Variants in SHISA6 observed in about 807,000 individuals in gnomAD.
The protein encoded by SHISA6 is protein shisa-6.
A neutral mutation model predicts 47.9 loss-of-function variants in SHISA6; 22 were observed. That is an observed-to-expected ratio of 0.46 (90% confidence interval 0.33 to 0.66). The LOEUF (loss-of-function observed/expected upper bound fraction) is 0.66. Ranked by LOEUF, SHISA6 falls within the 30% of genes least tolerant of loss-of-function variation. The pLI is 0.02. For missense variants in SHISA6, 680 were observed against 764.6 expected, an observed-to-expected ratio of 0.89 and a Z score of 1.30; for synonymous variants, 388 against 337.8, an observed-to-expected ratio of 1.15 and a Z score of -1.63.
chr17:11,319,109 C>T (rs1194043307), intron 2 of SHISA6, among the ~76,000 whole-genome samples: 4 of 144,620 alleles, frequency 2.8e-5, no homozygotes, highest in East Asian at 2.0e-4. Flanking sequence ...GATGGAGTCT[C>T]GCTCTGTCAC....
chr17:11,289,353 CATGAGTT>C (rs1201035880), intron 2 of SHISA6: 1 of 151,988 alleles, frequency 6.6e-6, no homozygotes, highest in East Asian at 1.9e-4. Flanking sequence ...CATCTATTTT[CATGAGTT>C]AAACTGTCCT....
chr17:11,245,748 G>GT (rs1409107087), intron 1 of SHISA6, among the ~76,000 whole-genome samples: 9 of 124,102 alleles, frequency 7.3e-5, no homozygotes, highest in South Asian at 5.9e-4. Flanking sequence ...TGTGGGCAGG[G>GT]TGGGGGGGGT....
rs561372941 is a variant in SHISA6 at position 11,436,024 on chromosome 17, A to G, written c.895+56515A>G. 8.5e-5 allele frequency among the ~76,000 whole-genome samples: 13 copies of G among 152,336 alleles called. No homozygotes were observed. In the South Asian group the frequency reaches 1.9e-3, roughly 22 times the overall value. ...TCTAATACATAGGCAGACTTGGGGA[A>G]ACACCAGAGCTTCTCAGGATAGATG... On this transcript the variant is annotated intron_variant, in intron 3 of 5. Coordinates refer to ENST00000441885, the MANE Select transcript of SHISA6 (RefSeq NM_207386.4).
intron 3 of SHISA6, among the ~76,000 whole-genome samples, chr17:11,511,538 A>G (rs534066284): frequency 6.6e-6 from 1 of 152,228 alleles, no homozygotes; most frequent in Non-Finnish European, 1.5e-5. Flanking sequence ...AATGTTCATC[A>G]ATTGATGAAT....
chr17:11,555,934 T>C, intron 5 of SHISA6, 42 bp downstream of exon 5: 2 of 1,476,344 alleles, frequency 1.4e-6, no homozygotes, highest in Non-Finnish European at 1.8e-6. Flanking sequence ...TCTCTGGGGC[T>C]CCAAGATATC....
intron 3 of SHISA6, among the ~76,000 whole-genome samples, chr17:11,491,371 GC>G (rs1026507889): frequency 2.0e-5 from 3 of 152,078 alleles, no homozygotes; most frequent in African/African-American, 7.2e-5. Flanking sequence ...GACAATCACG[GC>G]CCACTGCAGC....
At chr17:11,286,721 C>T (rs1332682797) in intron 2 of SHISA6, among the ~76,000 whole-genome samples, 2 of 152,212 alleles carry the variant, frequency 1.3e-5, no homozygotes, top group Non-Finnish European at 2.9e-5. Context: ...GTGAAATGTC[C>T]ATTCAGACCT....
intron 3 of SHISA6, among the ~76,000 whole-genome samples, chr17:11,516,176 C>T (rs2071584216): frequency 2.0e-5 from 3 of 152,212 alleles, no homozygotes; most frequent in Admixed American, 6.5e-5. Flanking sequence ...AGCATTTCCT[C>T]AAGCATTCCA....
intron 2 of SHISA6, among the ~76,000 whole-genome samples, chr17:11,338,401 TTTTG>T (rs931303926): frequency 6.6e-6 from 1 of 152,080 alleles, no homozygotes; most frequent in Non-Finnish European, 1.5e-5. Context: ...TTGTTTATTT[TTTTG>T]TTTGTTTGTT....
chr17:11,541,422 A>G (rs2071832674), intron 3 of SHISA6, among the ~76,000 whole-genome samples: 1 of 152,246 alleles, frequency 6.6e-6, no homozygotes, highest in Non-Finnish European at 1.5e-5. Flanking sequence ...AAGGAGGCAG[A>G]GGAAGCCACT....
rs1204072801 is a variant in SHISA6, at chr17:11,551,894, A to C, written c.896-2A>C. On this transcript the variant is annotated splice_acceptor_variant, in intron 3 of 5. Transcript: ENST00000441885. LOFTEE classifies it high-confidence loss of function. ...TAAAAATTTCTTTTCTATGATTTTC[A>C]GGTGATCATCAATATAACCATCCGA... 3.9e-6 allele frequency: 6 copies of C among 1,551,462 alleles called. No homozygotes were observed. The highest frequency in any genetic ancestry group is 5.2e-6 in the Non-Finnish European group (6 of 1,146,914).
At chr17:11,455,073 G>T (rs1420343665) in intron 3 of SHISA6, among the ~76,000 whole-genome samples, 1 of 152,164 alleles carries the variant, frequency 6.6e-6, no homozygotes, top group Non-Finnish European at 1.5e-5. Flanking sequence ...AGAGGCTGAG[G>T]CAGGAGAATG....
At chr17:11,351,312 TAAAC>T (rs1415371018) in intron 2 of SHISA6, among the ~76,000 whole-genome samples, 7 of 152,038 alleles carry the variant, frequency 4.6e-5, no homozygotes, top group East Asian at 1.9e-4. Context: ...GTAAAATAAA[TAAAC>T]AAAAAATACT....
At chr17:11,493,999 G>T (rs1378450731) in intron 3 of SHISA6, among the ~76,000 whole-genome samples, 1 of 151,714 alleles carries the variant, frequency 6.6e-6, no homozygotes, top group Non-Finnish European at 1.5e-5. Flanking sequence ...GATTAAATCT[G>T]ATAATTAGGA....
chr17:11,505,866 G>A (rs1447360284), intron 3 of SHISA6, among the ~76,000 whole-genome samples: 1 of 152,162 alleles, frequency 6.6e-6, no homozygotes, highest in African/African-American at 2.4e-5. Context: ...TAATGCAAGA[G>A]GAAATGGAGA....
At chr17:11,342,261 A>C (rs2142213827) in intron 2 of SHISA6, among the ~76,000 whole-genome samples, 1 of 152,174 alleles carries the variant, frequency 6.6e-6, no homozygotes, top group Non-Finnish European at 1.5e-5. Flanking sequence ...CAAGAGCCAA[A>C]GCCCTCTGGG....
rs563845117 is a variant in SHISA6 at position 11,542,115 on chromosome 17, G to A, written c.896-9781G>A. ...TGCCCAGAGCTGCTCCACCCTCCCC[G>A]CTGATCGGTCAGCACAGAGGTTCTA... On this transcript the variant is annotated intron_variant, in intron 3 of 5. Coordinates refer to ENST00000441885, the MANE Select transcript of SHISA6 (RefSeq NM_207386.4). Among the ~76,000 whole-genome samples the A allele has an allele frequency of 3.7e-3, 560 of 152,192 alleles. 5 individuals carry two copies. The highest frequency in any genetic ancestry group is 0.013 in the African/African-American group (524 of 41,540).
intron 2 of SHISA6, among the ~76,000 whole-genome samples, chr17:11,271,434 T>C (rs1016082442): frequency 6.6e-6 from 1 of 152,050 alleles, no homozygotes; most frequent in African/African-American, 2.4e-5. Context: ...AGTTCCATTT[T>C]ATTTATTTAT....
At chr17:11,274,163 C>G (rs1908788471) in intron 2 of SHISA6, among the ~76,000 whole-genome samples, 1 of 152,180 alleles carries the variant, frequency 6.6e-6, no homozygotes, top group Non-Finnish European at 1.5e-5. Context: ...CCCTGCCCCT[C>G]CCATCAAGGA....
Sources: gnomAD v4.1 joint callset for allele counts (sites outside exome capture counted in the v4.1 genomes callset) on GRCh38, gnomAD v4.1.1 for gene constraint, MANE v1.5 for transcripts, NCBI Gene and HGNC (gene_info 2026-07-23, HGNC 2026-07-21) for gene names.